The following KCNAB1 variants were observed in gnomAD, a reference collection of about 807,000 sequenced individuals.
The protein encoded by KCNAB1 is voltage-gated potassium channel subunit beta-1.
Under a neutral mutation model 64.6 loss-of-function variants are expected in KCNAB1, and 35 were observed. That is an observed-to-expected ratio of 0.54 (90% CI 0.41 to 0.72). The LOEUF is 0.72. Ranked by LOEUF, KCNAB1 falls within the 30% of genes least tolerant of loss-of-function variation. The pLI, the probability that KCNAB1 is intolerant of heterozygous loss-of-function variation, is 0.00. For synonymous variants in KCNAB1, 177 were observed against 183.8 expected (o/e 0.96, Z 0.30); for missense variants, 401 against 512.9 (o/e 0.78, Z 2.11).
chr3:156,319,302 T>G (rs1457389284), intron 1 of KCNAB1, among the ~76,000 whole-genome samples: 1 of 152,150 alleles, frequency 6.6e-6, no homozygotes, highest in African/African-American at 2.4e-5. Flanking sequence ...AAGGTTTAGT[T>G]TTTGCTCACA....
intron 5 of KCNAB1, among the ~76,000 whole-genome samples, chr3:156,463,148 C>T (rs565202740): frequency 6.6e-6 from 1 of 152,234 alleles, no homozygotes; most frequent in African/African-American, 2.4e-5. Context: ...TCTATGTAGT[C>T]AGTTCCTGCC....
At chr3:156,160,037 C>A (rs943670355) in intron 1 of KCNAB1, among the ~76,000 whole-genome samples, 5 of 152,134 alleles carry the variant, frequency 3.3e-5, no homozygotes, top group African/African-American at 7.2e-5. Context: ...CATAGTAGAG[C>A]AAGTGATGAA....
chr3:156,482,963 A>G (rs1017581961), intron 8 of KCNAB1, among the ~76,000 whole-genome samples: 4 of 152,158 alleles, frequency 2.6e-5, no homozygotes, highest in Non-Finnish European at 4.4e-5. Flanking sequence ...ATTAAGATGC[A>G]TGAGTCACAT....
intron 1 of KCNAB1, among the ~76,000 whole-genome samples, chr3:156,403,174 T>A (rs976770732): frequency 2.0e-5 from 3 of 152,236 alleles, no homozygotes; most frequent in Non-Finnish European, 4.4e-5. Context: ...GCCTCTCTTT[T>A]CTTTTTCCCA....
chr3:156,433,152 T>A (rs939641676), intron 2 of KCNAB1, among the ~76,000 whole-genome samples: 6 of 152,190 alleles, frequency 3.9e-5, no homozygotes, highest in Admixed American at 2.6e-4. Context: ...GACACACAGA[T>A]GCCTGCCCTC....
At chr3:156,378,668 A>T (rs1199172162) in intron 1 of KCNAB1, among the ~76,000 whole-genome samples, 1 of 151,948 alleles carries the variant, frequency 6.6e-6, no homozygotes. Context: ...TCATCTCCCC[A>T]GTGTGGCCAT....
At chr3:156,180,919 A>AATTT (rs1257349152) in intron 1 of KCNAB1, among the ~76,000 whole-genome samples, 1 of 152,144 alleles carries the variant, frequency 6.6e-6, no homozygotes, top group African/African-American at 2.4e-5. Context: ...GAGGAACAGA[A>AATTT]ATTTATTTTC....
intron 1 of KCNAB1, among the ~76,000 whole-genome samples, chr3:156,126,872 A>G (rs1048044930): frequency 5.3e-5 from 8 of 152,096 alleles, no homozygotes; most frequent in Admixed American, 3.3e-4. Flanking sequence ...GTGGGCACAT[A>G]TAGTAGTAAA....
At chr3:156,218,194 G>C (rs1013646873) in intron 1 of KCNAB1, among the ~76,000 whole-genome samples, 4 of 152,208 alleles carry the variant, frequency 2.6e-5, no homozygotes, top group Non-Finnish European at 5.9e-5. Context: ...GGCTGTGTGA[G>C]AGCGGGGTGA....
intron 1 of KCNAB1, among the ~76,000 whole-genome samples, chr3:156,275,273 A>G (rs1256934784): frequency 1.3e-5 from 2 of 152,378 alleles, no homozygotes; most frequent in South Asian, 2.1e-4. Context: ...AAAGTAATGT[A>G]CACACCTTAA....
chr3:156,432,286 A>G (rs997981693), intron 2 of KCNAB1, among the ~76,000 whole-genome samples: 2 of 152,170 alleles, frequency 1.3e-5, no homozygotes, highest in East Asian at 3.9e-4. Flanking sequence ...CAATTTGCCT[A>G]ATTGACGAAA....
At chr3:156,139,588 T>TTTTTTTTTTTG (rs1560103954) in intron 1 of KCNAB1, among the ~76,000 whole-genome samples, 1 of 138,184 alleles carries the variant, frequency 7.2e-6, no homozygotes, top group African/African-American at 2.8e-5. Flanking sequence ...TACTGTGTTT[T>TTTTTTTTTTTG]TTTTTTTTTT....
At chr3:156,531,533 T>C (rs1323073110) in intron 13 of KCNAB1, 36 bp downstream of exon 13, 1 of 1,449,266 alleles carries the variant, frequency 6.9e-7, no homozygotes, top group Admixed American at 1.7e-5. Context: ...TCAGGGAATT[T>C]AATGGTGCCT....
At chr3:156,471,261 G>A (rs1316976693) in intron 7 of KCNAB1, among the ~76,000 whole-genome samples, 1 of 152,094 alleles carries the variant, frequency 6.6e-6, no homozygotes, top group Admixed American at 6.5e-5. Context: ...TATTTCTTTA[G>A]AAACCTGTGA....
chr3:156,329,481 C>T (rs577280532), intron 1 of KCNAB1, among the ~76,000 whole-genome samples: 1 of 152,112 alleles, frequency 6.6e-6, no homozygotes. Flanking sequence ...AACCCCCCAA[C>T]AGCTGGGCCT....
chr3:156,531,093 G>T (rs1245880847), intron 12 of KCNAB1, among the ~76,000 whole-genome samples: 1 of 152,216 alleles, frequency 6.6e-6, no homozygotes. Flanking sequence ...GGAGAAGCAA[G>T]AAAGACAGCA....
intron 13 of KCNAB1, 141 bp downstream of exon 13, chr3:156,531,638 G>A: frequency 1.4e-6 from 1 of 692,140 alleles, no homozygotes; most frequent in South Asian, 1.6e-5. Flanking sequence ...CACTTTCCCA[G>A]TACATGGATC....
intron 2 of KCNAB1, among the ~76,000 whole-genome samples, chr3:156,429,301 C>T (rs1050576326): frequency 7.2e-5 from 11 of 152,308 alleles, no homozygotes; most frequent in Admixed American, 2.6e-4. Context: ...AGCAGCCGCC[C>T]GCAGATCTAG....
chr3:156,488,833 G>A lies in KCNAB1; in HGVS notation c.658+14013G>A, dbSNP rs537435830. 7.2e-5 allele frequency among the ~76,000 whole-genome samples: 11 copies of A among 152,270 alleles called. No homozygotes were observed. In the South Asian group the frequency reaches 8.3e-4, roughly 11 times the overall value. On this transcript the variant is annotated intron_variant, in intron 8 of 13. Transcript: ENST00000490337. ...TAGGGTGCAGATGAGGGCACTAGCC[G>A]TGGACTGTAATGTGGTTCAGTTTGG...
Sources: allele counts gnomAD v4.1 joint callset (sites outside exome capture counted in the v4.1 genomes callset), GRCh38; gene constraint gnomAD v4.1.1; transcripts MANE v1.5; gene names NCBI Gene and HGNC (gene_info 2026-07-23, HGNC 2026-07-21).